The following LIPI variants were observed in gnomAD, a reference collection of about 807,000 sequenced individuals.
The protein encoded by LIPI is lipase I, also known as lipase member I.
LIPI carries 59 observed loss-of-function variants against 50.6 expected under a neutral mutation model. The observed-to-expected ratio is 1.16, with a 90% CI of 0.94 to 1.45. The LOEUF (loss-of-function observed/expected upper bound fraction) is 1.45. LIPI is among the 40% of genes most tolerant of loss of function. The probability of loss-of-function intolerance (pLI) is 0.00; values close to 1 mark genes in which losing one functional copy is unlikely to be tolerated. For missense variants in LIPI, 586 were observed against 536.3 expected (o/e 1.09, Z -0.92); for synonymous variants, 203 against 178.2 (o/e 1.14, Z -1.11).
rs1032588362 is a variant in LIPI at position 14,210,853 on chromosome 21, C to T, written c.-8G>A. ...AAAAATGTATACTCTCATTTGGAAT[C>T]TGAGAAAAGCAAAAACAGCACTCAA... On this transcript the variant is annotated 5_prime_UTR_variant, in exon 1 of 10. Coordinates refer to ENST00000681601, the MANE Select transcript of LIPI (RefSeq NM_001302998.2). The T allele has an allele frequency of 8.1e-7, 1 of 1,231,102 alleles. No homozygotes were observed. The highest frequency in any genetic ancestry group is 1.4e-5 in the South Asian group (1 of 71,670). 76.3% of individuals were successfully genotyped at this position (1,231,102 alleles called of 1,614,324 possible). A position where few individuals can be genotyped will look rare whatever the true frequency, so the allele number is the denominator to read the frequency against.
intron 7 of LIPI, among the ~76,000 whole-genome samples, chr21:14,153,830 C>A (rs1168626208): frequency 6.6e-6 from 1 of 152,122 alleles, no homozygotes; most frequent in Non-Finnish European, 1.5e-5. Context: ...TAGGAAAATT[C>A]TTCCTATTTT....
At chr21:14,183,567 A>G (rs1392319721) in intron 3 of LIPI, among the ~76,000 whole-genome samples, 1 of 152,218 alleles carries the variant, frequency 6.6e-6, no homozygotes, top group Non-Finnish European at 1.5e-5. Context: ...AATTTTTGCA[A>G]TCTACTCATC....
rs773074362 is a variant in LIPI at position 14,165,317 on chromosome 21, A to G, written c.807T>C (p.Asn269=). 6.2e-7 allele frequency: 1 copy of G among 1,611,762 alleles called. No individual in the cohort carries two copies. Among genetic ancestry groups the G allele is most frequent in the Admixed American group, 1.7e-5 (1 of 60,008 alleles). The change falls in exon 6 of 10, where the codon AAT becomes AAC. Residue 269 remains asparagine, a synonymous_variant. Coordinates refer to ENST00000681601, the MANE Select transcript of LIPI (RefSeq NM_001302998.2). ...LFMASLETNC[N]FISFPCRSYK... ...ATGAACGACAAGGAAATGAAATAAAATTGCAGTTTGTTTCTAAAGATGCCA... is the reference window on the plus strand; with the variant it reads ...ATGAACGACAAGGAAATGAAATAAAGTTGCAGTTTGTTTCTAAAGATGCCA...
intron 9 of LIPI, among the ~76,000 whole-genome samples, chr21:14,141,897 C>T (rs1406135837): frequency 6.6e-6 from 1 of 152,066 alleles, no homozygotes; most frequent in Non-Finnish European, 1.5e-5. Flanking sequence ...ATTTATGATA[C>T]CACAGGGAGA....
At chr21:14,146,045 C>G (rs1056005480) in intron 8 of LIPI, among the ~76,000 whole-genome samples, 3 of 152,134 alleles carry the variant, frequency 2.0e-5, no homozygotes, top group Non-Finnish European at 4.4e-5. Flanking sequence ...AATTCAAATT[C>G]AACATATCCA....
chr21:14,148,235 T>C (rs1285996856), intron 8 of LIPI, among the ~76,000 whole-genome samples: 1 of 152,172 alleles, frequency 6.6e-6, no homozygotes, highest in Non-Finnish European at 1.5e-5. Flanking sequence ...ATGCAAAGTG[T>C]AGGTATTCCT....
At chr21:14,150,925 T>G (rs1311841324) in intron 8 of LIPI, among the ~76,000 whole-genome samples, 1 of 152,212 alleles carries the variant, frequency 6.6e-6, no homozygotes, top group African/African-American at 2.4e-5. Context: ...CTACCAGTTC[T>G]ATACGACTGT....
chr21:14,110,926 G>GTATATACCATATACTATATATATATAA (rs1568825989), intron 9 of LIPI, among the ~76,000 whole-genome samples: 2 of 147,044 alleles, frequency 1.4e-5, no homozygotes, highest in Non-Finnish European at 3.0e-5. Context: ...AATATATATA[G>GTATATACCATATACTATATATATATAA]TATATACCAT....
intron 9 of LIPI, among the ~76,000 whole-genome samples, chr21:14,114,223 A>G (rs900717359): frequency 1.3e-5 from 2 of 151,826 alleles, no homozygotes; most frequent in Non-Finnish European, 2.9e-5. Flanking sequence ...TAACTATCAC[A>G]GGAACAGGAT....
chr21:14,151,235 T>A (rs189889104), intron 8 of LIPI, among the ~76,000 whole-genome samples: 12 of 152,328 alleles, frequency 7.9e-5, no homozygotes, highest in African/African-American at 2.9e-4. Context: ...GTTTCAGATT[T>A]TACCTGTGCT....
intron 4 of LIPI, among the ~76,000 whole-genome samples, chr21:14,178,500 T>G (rs2123228629): frequency 6.6e-6 from 1 of 152,320 alleles, no homozygotes; most frequent in South Asian, 2.1e-4. Flanking sequence ...ATTCAATGGA[T>G]GTCAATTATT....
rs547205558 is a variant in LIPI at position 14,130,446 on chromosome 21, G to A, written c.1295+14177C>T. 9.2e-5 allele frequency among the ~76,000 whole-genome samples: 14 copies of A among 152,268 alleles called. No individual in the cohort carries two copies. In the South Asian group the frequency reaches 2.9e-3, roughly 32 times the overall value. ...TTGCTACCACCACCACCTCGCCAAGGAAGGATGAGGAAACCAGGCTCTCTC... is the reference window on the plus strand; with the variant it reads ...TTGCTACCACCACCACCTCGCCAAGAAAGGATGAGGAAACCAGGCTCTCTC... On this transcript the variant is annotated intron_variant, in intron 9 of 9. Transcript: ENST00000681601.
At chr21:14,145,131 G>C (rs199686499) in intron 8 of LIPI, among the ~76,000 whole-genome samples, 3 of 15,652 alleles carry the variant, frequency 1.9e-4, no homozygotes, top group East Asian at 8.8e-3. Context: ...GTTTTTTACA[G>C]TTCCTTAAAT....
intron 1 of LIPI, among the ~76,000 whole-genome samples, chr21:14,205,935 T>C (rs186323122): frequency 6.6e-6 from 1 of 152,278 alleles, no homozygotes; most frequent in African/African-American, 2.4e-5. Context: ...TATAGAATTT[T>C]ATTTCCAAAG....
chr21:14,141,665 G>A (rs2017714047), intron 9 of LIPI, among the ~76,000 whole-genome samples: 1 of 151,990 alleles, frequency 6.6e-6, no homozygotes, highest in African/African-American at 2.4e-5. Context: ...GTCCACTTCT[G>A]CTTAAATGAC....
At chr21:14,202,078 C>T (rs535328831) in intron 1 of LIPI, among the ~76,000 whole-genome samples, 1 of 152,284 alleles carries the variant, frequency 6.6e-6, no homozygotes, top group African/African-American at 2.4e-5. Flanking sequence ...AACTCCCATT[C>T]ACAATTGCTT....
rs1555853706 is a variant in LIPI at position 14,165,226 on chromosome 21, G to C, written c.898C>G (p.Leu300Val). 1.9e-6 allele frequency: 3 copies of C among 1,603,000 alleles called. No homozygotes were observed. The highest frequency in any genetic ancestry group is 1.7e-6 in the Non-Finnish European group (2 of 1,170,468). The change falls in exon 6 of 10, where the codon CTG becomes GTG. Residue 300 changes from leucine to valine, a missense_variant. Transcript: ENST00000681601. ...TAACTATAATAATCTCTCTTACCCA[G>C]CCGAGGACATGATTTTTCCTTAAAA... is the stretch of plus-strand genomic sequence containing the variant. ...DCFKEKSCPR[L>V]GYQAKLFKGV...
intron 1 of LIPI, 25 bp from the exon 2 acceptor site, chr21:14,189,444 G>A (rs763445321): frequency 2.5e-6 from 4 of 1,601,008 alleles, no homozygotes; most frequent in Non-Finnish European, 3.4e-6. Context: ...TGTCAGTCAA[G>A]CTGAGTACTG....
intron 7 of LIPI, among the ~76,000 whole-genome samples, chr21:14,154,827 A>T (rs994651954): frequency 6.6e-6 from 1 of 152,128 alleles, no homozygotes; most frequent in African/African-American, 2.4e-5. Flanking sequence ...ACCTAAACAG[A>T]GGAACTGCCC....
Sources: allele counts gnomAD v4.1 joint callset (sites outside exome capture counted in the v4.1 genomes callset), GRCh38; gene constraint gnomAD v4.1.1; transcripts MANE v1.5; gene names NCBI Gene and HGNC (gene_info 2026-07-23, HGNC 2026-07-21).